The following NME7 variants were observed in gnomAD, a reference collection of about 807,000 sequenced individuals.
The protein encoded by NME7 is nucleoside diphosphate kinase 7.
In NME7, 41 loss-of-function variants were observed where a neutral mutation model predicts 49.1. The observed-to-expected ratio is 0.83, with a 90% CI of 0.65 to 1.08. The LOEUF (loss-of-function observed/expected upper bound fraction) is 1.08, where lower values mean the gene tolerates loss of function less well. NME7 is among the 50% of genes least tolerant of loss of function. The pLI is 0.00. For synonymous variants in NME7, 139 were observed against 150.6 expected, an observed-to-expected ratio of 0.92 and a Z score of 0.56; for missense variants, 423 against 463.4, an observed-to-expected ratio of 0.91 and a Z score of 0.80.
chr1:169,147,168 G>T (rs1333053447), intron 11 of NME7, among the ~76,000 whole-genome samples: 1 of 152,180 alleles, frequency 6.6e-6, no homozygotes, highest in East Asian at 1.9e-4. Flanking sequence ...ATCTAAAACT[G>T]AGTTGGACAA....
intron 10 of NME7, among the ~76,000 whole-genome samples, chr1:169,203,843 T>TG (rs960930518): frequency 6.6e-6 from 1 of 152,010 alleles, no homozygotes; most frequent in Non-Finnish European, 1.5e-5. Flanking sequence ...CCCTCATGGC[T>TG]GGGAACTCGT....
intron 3 of NME7, among the ~76,000 whole-genome samples, chr1:169,313,545 T>A (rs1328028829): frequency 6.6e-6 from 1 of 152,174 alleles, no homozygotes; most frequent in Non-Finnish European, 1.5e-5. Flanking sequence ...TCCCTCCTAG[T>A]AGGAAAGTAA....
intron 1 of NME7, among the ~76,000 whole-genome samples, chr1:169,331,767 T>A (rs551284634): frequency 1.3e-5 from 2 of 150,502 alleles, no homozygotes; most frequent in Non-Finnish European, 3.0e-5. Flanking sequence ...GAAATGAAGA[T>A]CTCTACAATG....
At chr1:169,318,732 A>C (rs1651746989) in intron 3 of NME7, among the ~76,000 whole-genome samples, 1 of 152,116 alleles carries the variant, frequency 6.6e-6, no homozygotes. Flanking sequence ...ACATTGTTGA[A>C]GTCATGGAGT....
intron 1 of NME7, among the ~76,000 whole-genome samples, chr1:169,337,273 C>T (rs1486928442): frequency 6.6e-6 from 1 of 152,198 alleles, no homozygotes; most frequent in Admixed American, 6.5e-5. Flanking sequence ...CGCCGGTGGG[C>T]TGGCACTGCT....
At chr1:169,195,714 A>G (rs563844924) in intron 10 of NME7, among the ~76,000 whole-genome samples, 187 of 152,336 alleles carry the variant, frequency 1.2e-3, no homozygotes, top group African/African-American at 4.4e-3. Flanking sequence ...CAGAATGGAC[A>G]TTTAATTCAT....
intron 1 of NME7, among the ~76,000 whole-genome samples, chr1:169,360,658 C>T (rs1047580569): frequency 4.6e-5 from 7 of 152,174 alleles, no homozygotes; most frequent in Non-Finnish European, 1.0e-4. Flanking sequence ...ATGCTCTTCT[C>T]CTAGGTTTCA....
intron 9 of NME7, among the ~76,000 whole-genome samples, chr1:169,234,287 C>G (rs988613297): frequency 6.6e-6 from 1 of 152,080 alleles, no homozygotes; most frequent in Non-Finnish European, 1.5e-5. Flanking sequence ...AGCATAAGCT[C>G]CATAAATGCA....
intron 7 of NME7, among the ~76,000 whole-genome samples, chr1:169,283,636 G>A (rs1018405216): frequency 1.1e-4 from 16 of 152,128 alleles, no homozygotes; most frequent in African/African-American, 2.9e-4. Context: ...CGTAAGGCAG[G>A]TCTGGTGGTG....
At chr1:169,326,137 T>C (rs1315193363) in intron 1 of NME7, among the ~76,000 whole-genome samples, 1 of 151,806 alleles carries the variant, frequency 6.6e-6, no homozygotes, top group Admixed American at 6.6e-5. Flanking sequence ...AAATGAAAAA[T>C]CCACGAAACC....
intron 7 of NME7, among the ~76,000 whole-genome samples, chr1:169,254,733 G>A (rs1026895462): frequency 1.3e-4 from 19 of 144,602 alleles, no homozygotes; most frequent in East Asian, 5.0e-4. Context: ...ACACTGCTTC[G>A]AATGTGTCCC....
At chr1:169,355,249 TTATATC>T (rs1203567163) in intron 1 of NME7, among the ~76,000 whole-genome samples, 1,941 of 35,288 alleles carry the variant, frequency 0.055, 568 homozygotes, top group Admixed American at 0.088. Flanking sequence ...ATATTATATA[TTATATC>T]TATATATAAT....
intron 7 of NME7, among the ~76,000 whole-genome samples, chr1:169,244,289 T>G (rs917541086): frequency 6.6e-6 from 1 of 152,150 alleles, no homozygotes; most frequent in African/African-American, 2.4e-5. Flanking sequence ...ATCACTTTAT[T>G]GTTTATTAAT....
chr1:169,205,837 A>G (rs985856369), intron 10 of NME7, among the ~76,000 whole-genome samples: 11 of 152,142 alleles, frequency 7.2e-5, no homozygotes, highest in African/African-American at 2.7e-4. Flanking sequence ...TCCACGCTCT[A>G]TGTGATCTTC....
intron 6 of NME7, among the ~76,000 whole-genome samples, 177 bp from the exon 7 acceptor site, chr1:169,287,585 T>TTC (rs569457840): frequency 2.6e-5 from 4 of 152,264 alleles, no homozygotes; most frequent in Middle Eastern, 3.4e-3. Flanking sequence ...TTAACCCTGT[T>TTC]TCAAGACTTA....
chr1:169,221,047 A>C (rs955014272), intron 10 of NME7, among the ~76,000 whole-genome samples: 1 of 151,964 alleles, frequency 6.6e-6, no homozygotes, highest in Non-Finnish European at 1.5e-5. Context: ...TTCCATTTCT[A>C]CTCCGTAGAA....
chr1:169,207,830 TAAAG>T (rs1017732278), intron 10 of NME7, among the ~76,000 whole-genome samples: 5 of 152,032 alleles, frequency 3.3e-5, no homozygotes, highest in African/African-American at 7.2e-5. Flanking sequence ...AGTCTGGAAA[TAAAG>T]AAAACAAAAT....
intron 1 of NME7, among the ~76,000 whole-genome samples, chr1:169,341,130 A>T (rs1652679106): frequency 6.6e-6 from 1 of 152,202 alleles, no homozygotes; most frequent in South Asian, 2.1e-4. Context: ...ACAGACCTGG[A>T]AGGCTAGGAG....
chr1:169,351,230 A>G lies in NME7; in HGVS notation c.3+16478T>C, dbSNP rs547396354. ...AGCGCCTACAATCCAGTGATACATC[A>G]TAACCTCAATTTCATAATCACTGAT... On this transcript the variant is annotated intron_variant, in intron 1 of 11. Transcript: ENST00000367811. 1.4e-4 allele frequency among the ~76,000 whole-genome samples: 21 copies of G among 152,250 alleles called. No individual in the cohort carries two copies. The South Asian group carries it at 4.4e-3, about 32-fold the overall frequency.
Sources: allele counts gnomAD v4.1 joint callset (sites outside exome capture counted in the v4.1 genomes callset), GRCh38; gene constraint gnomAD v4.1.1; transcripts MANE v1.5; gene names NCBI Gene and HGNC (gene_info 2026-07-23, HGNC 2026-07-21).